C1orf174: variants seen among roughly 807,000 people sequenced by gnomAD.
The protein encoded by C1orf174 is chromosome 1 open reading frame 174.
C1orf174 carries 13 observed loss-of-function variants against 18.4 expected under a neutral mutation model. The ratio of observed to expected loss-of-function variants is 0.71; its 90% CI spans 0.46 to 1.12. The LOEUF (loss-of-function observed/expected upper bound fraction) is 1.12, where lower values mean the gene tolerates loss of function less well. Among genes scored for constraint, C1orf174 ranks in the 50% most tolerant of loss-of-function variants. The pLI, the probability that C1orf174 is intolerant of heterozygous loss-of-function variation, is 0.00. For synonymous variants in C1orf174, 100 were observed against 118.3 expected (o/e 0.85, Z 1.01); for missense variants, 309 against 308.0 (o/e 1.00, Z -0.02).
chr1:3,893,678 C>A (rs566926177), intron 1 of C1orf174, among the ~76,000 whole-genome samples: 1 of 152,230 alleles, frequency 6.6e-6, no homozygotes, highest in South Asian at 2.1e-4. Context: ...GAGGATCGCT[C>A]GAGCCCAGGA....
At position 3,900,215 on chromosome 1, in the gene C1orf174, G is replaced by C. The variant is rs375734586; in HGVS notation, c.-29C>G. The stretch of plus-strand genomic sequence containing the variant: ...TGTGAGCACCGCAGCCAAGCACCGC[G>C]CGCCCCGGCCAACGCGTCCCGGCGG... On this transcript the variant is annotated 5_prime_UTR_variant, in exon 1 of 4. Coordinates refer to ENST00000361605, the MANE Select transcript of C1orf174 (RefSeq NM_207356.3). 4.5e-6 allele frequency: 7 copies of C among 1,564,802 alleles called. No homozygotes were observed. The African/African-American group carries it at 5.6e-5, about 13-fold the overall frequency.
chr1:3,900,078 GGC>G (rs1638682769), intron 1 of C1orf174, 92 bp downstream of exon 1: 1 of 1,451,826 alleles, frequency 6.9e-7, no homozygotes, highest in Non-Finnish European at 9.1e-7. Context: ...CTAGGCCACA[GGC>G]ACCCCGTGAC....
In C1orf174 at chr1:3,890,690, C is replaced by T. The variant is rs539579162; in HGVS notation, c.497G>A (p.Gly166Glu). The stretch of plus-strand genomic sequence containing the variant: ...CTTCTGCACATCCTCTGTCTGTAGC[C>T]CTGGCTCATTCTGCTTCTGCACAGT... ...SSTVQKQNEP[G>E]LQTEDVQKPP... The change falls in exon 3 of 4, where the codon GGG becomes GAG. Residue 166 changes from glycine to glutamate, a missense_variant. Gly to Glu is a moderately conservative substitution (Grantham distance 98). Coordinates refer to ENST00000361605, the MANE Select transcript of C1orf174 (RefSeq NM_207356.3). 5.6e-6 allele frequency: 9 copies of T among 1,614,020 alleles called. No homozygotes were observed. In the South Asian group the frequency reaches 8.8e-5, roughly 16 times the overall value.
In C1orf174 at chr1:3,890,115, A is replaced by G. The variant is rs764133230; in HGVS notation, c.619-42T>C. On this transcript the variant is annotated intron_variant, in intron 3 of 3. Coordinates refer to ENST00000361605, the MANE Select transcript of C1orf174 (RefSeq NM_207356.3). ...ACATGACTTCAGTCATGAGCAATAC[A>G]TATCTGCACCCGCATTTGCAATGTG... The G allele has an allele frequency of 4.9e-5, 73 of 1,491,802 alleles. 1 individual carries two copies. Among genetic ancestry groups the G allele is most frequent in the Non-Finnish European group, 6.3e-5 (67 of 1,069,172 alleles). The allele number at this position is 1,491,802 out of a possible 1,614,324, so 92.4% of individuals were successfully genotyped here. A position where few individuals can be genotyped will look rare whatever the true frequency, so the allele number is the denominator to read the frequency against.
intron 3 of C1orf174, among the ~76,000 whole-genome samples, 175 bp downstream of exon 3, chr1:3,890,394 C>A (rs188484648): frequency 1.6e-3 from 246 of 152,298 alleles, no homozygotes; most frequent in African/African-American, 5.6e-3. Context: ...TCGGGAGATG[C>A]AGGGAGAGCC....
rs149232221 is a variant in C1orf174, at chr1:3,890,946, C to T, written c.241G>A (p.Ala81Thr). 58 of 1,614,008 alleles carry T rather than the reference C, an allele frequency of 3.6e-5. No homozygotes were observed. In the African/African-American group the frequency reaches 6.5e-4, roughly 18 times the overall value. The stretch of plus-strand genomic sequence containing the variant: ...TCAGGTGTCACTTTTGGCAAAGAAG[C>T]GCTGTCATTCTTAGGGACAAGCTTC... ...LQKLVPKNDS[A>T]SLPKVTPETP... is the part of the protein sequence containing the mutation. Residue 81 changes from alanine (A) to threonine (T), a missense_variant, in exon 3 of 4, where the codon GCT (alanine) becomes ACT (threonine). Physicochemically the swap from Ala to Thr is moderately conservative, Grantham distance 58. Coordinates refer to ENST00000361605, the MANE Select transcript of C1orf174 (RefSeq NM_207356.3).
In C1orf174 at chr1:3,890,099, C is replaced by A. The variant is rs762045951; in HGVS notation, c.619-26G>T. 5.1e-6 allele frequency: 8 copies of A among 1,556,154 alleles called. No homozygotes were observed. In the Admixed American group the frequency reaches 1.3e-4, roughly 26 times the overall value. ...CTTAGTGGAGAAGAAAACATGACTT[C>A]AGTCATGAGCAATACATATCTGCAC... On this transcript the variant is annotated intron_variant, in intron 3 of 3. Transcript: ENST00000361605.
Position 3,889,997 on chromosome 1 carries a change from T to A in C1orf174, c.695A>T (p.Asp232Val). 1 of 1,614,230 alleles carries A rather than the reference T, an allele frequency of 6.2e-7. No homozygotes were observed. The highest frequency in any genetic ancestry group is 8.5e-7 in the Non-Finnish European group (1 of 1,180,040). Residue 232 changes from aspartate (D) to valine (V), a missense_variant, in exon 4 of 4, where the codon GAT becomes GTT. Coordinates refer to ENST00000361605, the MANE Select transcript of C1orf174 (RefSeq NM_207356.3). ...ATCATCGTCGTCGTCATCATCATCA[T>A]CTTTGGCTCTGAAATGCATTTTTCT... The part of the protein sequence containing the change: ...EFRKMHFRAK[D>V]DDDDDDDDAE...
Position 3,890,796 on chromosome 1 carries a change from G to A in C1orf174, c.391C>T (p.Arg131Cys), listed in dbSNP as rs76727703. 1.3e-3 allele frequency: 2,033 copies of A among 1,613,726 alleles called. 21 individuals carry two copies. In the African/African-American group the frequency reaches 0.023, roughly 18 times the overall value. Reference sequence around the variant, plus strand: ...AGGCCATCTCTAGTCTTTGCTAAGCGAGAGTCACTCACAACTCTGCAGCCA... The same window carrying A: ...AGGCCATCTCTAGTCTTTGCTAAGCAAGAGTCACTCACAACTCTGCAGCCA... ...LGGCRVVSDS[R>C]LAKTRDGLSV... Residue 131 changes from arginine to cysteine, a missense_variant, in exon 3 of 4, where the codon CGC becomes TGC. Physicochemically the swap from Arg to Cys is radical, Grantham distance 180. Transcript: ENST00000361605.
At chr1:3,894,443 T>TA (rs1437982151) in intron 1 of C1orf174, among the ~76,000 whole-genome samples, 3 of 151,312 alleles carry the variant, frequency 2.0e-5, no homozygotes, top group Non-Finnish European at 2.9e-5. Flanking sequence ...CCGTCTCTAC[T>TA]AAAAATACAA....
At chr1:3,897,810 C>A (rs1638634086) in intron 1 of C1orf174, among the ~76,000 whole-genome samples, 1 of 152,074 alleles carries the variant, frequency 6.6e-6, no homozygotes. Flanking sequence ...ACTACAGGCG[C>A]CCGCCACCAC....
Position 3,890,131 on chromosome 1 carries a change from T to C in C1orf174, c.619-58A>G. 3 of 1,380,584 alleles carry C rather than the reference T, an allele frequency of 2.2e-6. No individual in the cohort carries two copies. In the East Asian group the frequency reaches 6.9e-5, roughly 32 times the overall value. 85.5% of individuals were successfully genotyped at this position (1,380,584 alleles called of 1,614,324 possible). A position where few individuals can be genotyped will look rare whatever the true frequency, so the allele number is the denominator to read the frequency against. On this transcript the variant is annotated intron_variant, in intron 3 of 3. Transcript: ENST00000361605. ...GAGCAATACATATCTGCACCCGCAT[T>C]TGCAATGTGCCCCACCCAGCGGCTC... is the stretch of plus-strand genomic sequence containing the variant.
At chr1:3,899,177 T>C (rs1638661553) in intron 1 of C1orf174, among the ~76,000 whole-genome samples, 2 of 152,146 alleles carry the variant, frequency 1.3e-5, no homozygotes, top group Non-Finnish European at 2.9e-5. Flanking sequence ...AAATGGCAAA[T>C]GTAAACCTAA....
intron 2 of C1orf174, chr1:3,892,634 G>C (rs899349807): frequency 8.1e-5 from 98 of 1,214,724 alleles, no homozygotes; most frequent in Non-Finnish European, 9.9e-5. Flanking sequence ...GCGGGTGCTA[G>C]GATCAGAGCC....
intron 1 of C1orf174, among the ~76,000 whole-genome samples, chr1:3,897,431 G>A (rs1638626032): frequency 6.6e-6 from 1 of 152,094 alleles, no homozygotes; most frequent in African/African-American, 2.4e-5. Flanking sequence ...GAACTGGCAG[G>A]ATAAGCAAAC....
intron 2 of C1orf174, chr1:3,891,436 G>T: frequency 4.1e-6 from 1 of 242,824 alleles, no homozygotes; most frequent in Non-Finnish European, 7.0e-6. Context: ...GCTCTGTGAA[G>T]GCAGGGGTCT....
intron 2 of C1orf174, chr1:3,891,270 T>C (rs1209193166): frequency 2.2e-5 from 13 of 602,786 alleles, no homozygotes; most frequent in Non-Finnish European, 3.6e-5. Flanking sequence ...ACACTTTCAG[T>C]TTTCCCTAGT....
In C1orf174 at chr1:3,889,830, T is replaced by A; in HGVS notation, c.*130A>T. 1.2e-6 allele frequency: 1 copy of A among 849,752 alleles called. No individual in the cohort carries two copies. The highest frequency in any genetic ancestry group is 2.0e-6 in the Non-Finnish European group (1 of 510,396). The allele number at this position is 849,752 out of a possible 1,614,324, so 52.6% of individuals were successfully genotyped here. A position where few individuals can be genotyped will look rare whatever the true frequency, so the allele number is the denominator to read the frequency against. Reference sequence around the variant, plus strand: ...TATTGGGTGCTTTGCACTATTGACTTAGATGGGTCAGTTCTGAAGTTTGAT... The same window carrying A: ...TATTGGGTGCTTTGCACTATTGACTAAGATGGGTCAGTTCTGAAGTTTGAT... On this transcript the variant is annotated 3_prime_UTR_variant, in exon 4 of 4. Coordinates refer to ENST00000361605, the MANE Select transcript of C1orf174 (RefSeq NM_207356.3).
At chr1:3,897,871 GC>G in intron 1 of C1orf174, among the ~76,000 whole-genome samples, 1 of 152,222 alleles carries the variant, frequency 6.6e-6, no homozygotes, top group South Asian at 2.1e-4. Flanking sequence ...CACTGTGTTA[GC>G]CAGGATGGTA....
Sources: allele counts gnomAD v4.1 joint callset (sites outside exome capture counted in the v4.1 genomes callset), GRCh38; gene constraint gnomAD v4.1.1; transcripts MANE v1.5; gene names NCBI Gene and HGNC (gene_info 2026-07-23, HGNC 2026-07-21).